The following LIPI variants were observed in gnomAD, a reference collection of about 807,000 sequenced individuals.
The protein encoded by LIPI is lipase member I.
LIPI carries 59 observed loss-of-function variants against 50.6 expected under a neutral mutation model. The ratio of observed to expected loss-of-function variants is 1.16; its 90% CI spans 0.94 to 1.45. The LOEUF (loss-of-function observed/expected upper bound fraction) is 1.45, where lower values mean the gene tolerates loss of function less well. Ranked by LOEUF, LIPI falls within the 40% of genes most tolerant of loss-of-function variation. The pLI, the probability that LIPI is intolerant of heterozygous loss-of-function variation, is 0.00. For missense variants in LIPI, 586 were observed against 536.3 expected, an observed-to-expected ratio of 1.09 and a Z score of -0.92; for synonymous variants, 203 against 178.2, an observed-to-expected ratio of 1.14 and a Z score of -1.11.
chr21:14,148,240 A>G (rs891172722), intron 8 of LIPI, among the ~76,000 whole-genome samples: 14 of 152,188 alleles, frequency 9.2e-5, no homozygotes, highest in African/African-American at 3.1e-4. Flanking sequence ...AAGTGTAGGT[A>G]TTCCTGGATG....
chr21:14,142,955 G>A (rs2017767693), intron 9 of LIPI, among the ~76,000 whole-genome samples: 1 of 152,080 alleles, frequency 6.6e-6, no homozygotes, highest in Non-Finnish European at 1.5e-5. Flanking sequence ...TAATCAGCAT[G>A]CTACTTGAAT....
At chr21:14,186,099 G>T in intron 2 of LIPI, 30 bp from the exon 3 acceptor site, 1 of 1,185,226 alleles carries the variant, frequency 8.4e-7, no homozygotes. Context: ...CAATATTACA[G>T]TATTCATTTC....
At chr21:14,109,486 C>T (rs906521669) in intron 9 of LIPI, among the ~76,000 whole-genome samples, 1 of 152,024 alleles carries the variant, frequency 6.6e-6, no homozygotes, top group African/African-American at 2.4e-5. Context: ...TTAATCAGTC[C>T]TCTTATGCCA....
chr21:14,168,312 T>C (rs994660025), intron 4 of LIPI, among the ~76,000 whole-genome samples: 22 of 152,194 alleles, frequency 1.4e-4, no homozygotes, highest in Non-Finnish European at 2.6e-4. Flanking sequence ...CCAGGAGGAC[T>C]TCCCCAATCT....
chr21:14,161,456 T>G (rs943131076), intron 7 of LIPI, among the ~76,000 whole-genome samples: 1 of 138,724 alleles, frequency 7.2e-6, no homozygotes, highest in Non-Finnish European at 1.5e-5. Flanking sequence ...TATATAGATA[T>G]TATATAGCTA....
At chr21:14,123,731 T>A (rs2016947543) in intron 9 of LIPI, among the ~76,000 whole-genome samples, 1 of 152,142 alleles carries the variant, frequency 6.6e-6, no homozygotes. Context: ...CCTATTTACA[T>A]GTGAAACCAA....
chr21:14,157,804 C>A lies in LIPI; in HGVS notation c.1007-5120G>T, dbSNP rs187890223. On this transcript the variant is annotated intron_variant, in intron 7 of 9. Transcript: ENST00000681601. ...TTTAAATCAGATGGAGTTTGCCTGG[C>A]TGAATTTAAAAATTGCATGGAGTGT... 4.3e-3 allele frequency among the ~76,000 whole-genome samples: 652 copies of A among 151,906 alleles called. 4 individuals are homozygous for A. The highest frequency in any genetic ancestry group is 0.015 in the African/African-American group (616 of 41,518).
intron 4 of LIPI, among the ~76,000 whole-genome samples, chr21:14,178,940 G>A (rs1400460018): frequency 6.6e-6 from 1 of 152,120 alleles, no homozygotes; most frequent in Non-Finnish European, 1.5e-5. Flanking sequence ...CTCAGTAAAC[G>A]TGATTTTGGC....
At chr21:14,200,894 C>T (rs1168804275) in intron 1 of LIPI, among the ~76,000 whole-genome samples, 1 of 152,100 alleles carries the variant, frequency 6.6e-6, no homozygotes, top group African/African-American at 2.4e-5. Context: ...ACCAAAACAG[C>T]ATGATCCTAG....
At chr21:14,177,324 C>T (rs903413525) in intron 4 of LIPI, among the ~76,000 whole-genome samples, 18 of 151,898 alleles carry the variant, frequency 1.2e-4, no homozygotes, top group African/African-American at 4.3e-4. Flanking sequence ...TATTTTGCTT[C>T]CTTGCTTTTA....
At chr21:14,166,896 G>A (rs910318276) in intron 4 of LIPI, among the ~76,000 whole-genome samples, 12 of 152,340 alleles carry the variant, frequency 7.9e-5, no homozygotes, top group East Asian at 3.9e-4. Flanking sequence ...TGTGCAAGCC[G>A]AAGCAGGGTG....
chr21:14,180,816 T>C (rs1243561899), intron 4 of LIPI, among the ~76,000 whole-genome samples: 1 of 152,188 alleles, frequency 6.6e-6, no homozygotes, highest in Non-Finnish European at 1.5e-5. Flanking sequence ...ATCTATGGCA[T>C]TTACGTATCT....
chr21:14,152,158 C>G (rs369430709), intron 8 of LIPI, among the ~76,000 whole-genome samples: 1 of 151,400 alleles, frequency 6.6e-6, no homozygotes, highest in Non-Finnish European at 1.5e-5. Flanking sequence ...TGGAGGGCAG[C>G]GGTGCAATCT....
intron 9 of LIPI, among the ~76,000 whole-genome samples, chr21:14,121,003 C>T (rs1347793496): frequency 6.6e-6 from 1 of 152,152 alleles, no homozygotes; most frequent in Admixed American, 6.5e-5. Flanking sequence ...TGAAAACCTG[C>T]TTGTAAACTT....
intron 1 of LIPI, among the ~76,000 whole-genome samples, chr21:14,195,256 T>A (rs1199090760): frequency 6.6e-6 from 1 of 152,152 alleles, no homozygotes; most frequent in Non-Finnish European, 1.5e-5. Context: ...ATCCATATGT[T>A]GCTGGATATG....
chr21:14,195,459 A>G (rs1231639193), intron 1 of LIPI, among the ~76,000 whole-genome samples: 1 of 152,166 alleles, frequency 6.6e-6, no homozygotes, highest in African/African-American at 2.4e-5. Flanking sequence ...TCTAGAATAA[A>G]AGAGAACTTA....
chr21:14,157,707 C>G (rs1244094270), intron 7 of LIPI, among the ~76,000 whole-genome samples: 5 of 151,880 alleles, frequency 3.3e-5, no homozygotes, highest in African/African-American at 1.2e-4. Context: ...GAGAAGGACT[C>G]TAAGAGACCA....
intron 9 of LIPI, among the ~76,000 whole-genome samples, chr21:14,115,277 T>C (rs2016582237): frequency 6.6e-6 from 1 of 152,172 alleles, no homozygotes; most frequent in Non-Finnish European, 1.5e-5. Flanking sequence ...TACAGAAACA[T>C]AGTTTCCCAG....
At chr21:14,196,221 A>G (rs1416082677) in intron 1 of LIPI, among the ~76,000 whole-genome samples, 1 of 150,928 alleles carries the variant, frequency 6.6e-6, no homozygotes, top group Non-Finnish European at 1.5e-5. Flanking sequence ...GTAATTTAAT[A>G]CTACCCAGCA....
Sources: gnomAD v4.1 joint callset for allele counts (sites outside exome capture counted in the v4.1 genomes callset) on GRCh38, gnomAD v4.1.1 for gene constraint, MANE v1.5 for transcripts, NCBI Gene and HGNC (gene_info 2026-07-23, HGNC 2026-07-21) for gene names.